Variants in BRINP3 observed in about 807,000 individuals in gnomAD.
BRINP3 encodes the protein BMP/retinoic acid-inducible neural-specific protein 3.
In BRINP3, 19 loss-of-function variants were observed where a neutral mutation model predicts 71.0. The ratio of observed to expected loss-of-function variants is 0.27; its 90% confidence interval spans 0.19 to 0.39. The LOEUF is 0.39. BRINP3 is among the 10% of genes least tolerant of loss of function. The probability of loss-of-function intolerance (pLI) is 1.00; values close to 1 mark genes in which losing one functional copy is unlikely to be tolerated. For synonymous variants in BRINP3, 380 were observed against 337.7 expected (o/e 1.13, Z -1.37); for missense variants, 959 against 940.8 (o/e 1.02, Z -0.25).
At chr1:190,224,927 T>C (rs1657207177) in intron 6 of BRINP3, among the ~76,000 whole-genome samples, 3 of 151,940 alleles carry the variant, frequency 2.0e-5, no homozygotes, top group Non-Finnish European at 4.4e-5. Flanking sequence ...ATCAGAGAAA[T>C]GCAAGTCAAA....
At chr1:190,388,934 C>A (rs955116145) in intron 2 of BRINP3, among the ~76,000 whole-genome samples, 1 of 151,662 alleles carries the variant, frequency 6.6e-6, no homozygotes, top group African/African-American at 2.4e-5. Flanking sequence ...TGAAATGAGG[C>A]ACTAGTCAGG....
rs199548567 is a variant in BRINP3 at position 190,264,959 on chromosome 1, T to A, written c.524A>T (p.Glu175Val). 1 of 1,613,012 alleles carries A rather than the reference T, an allele frequency of 6.2e-7. No individual in the cohort carries two copies. The highest frequency in any genetic ancestry group is 8.5e-7 in the Non-Finnish European group (1 of 1,179,602). ...STTNSSSVTL[E>V]TLHQLAASYF... is the part of the protein sequence containing the mutation. ...AGAAGCGGCTAGCTGATGTAGCGTC[T>A]CCAGAGTGACCGAAGAGCTATTGGT... Residue 175 changes from glutamate (E) to valine (V), a missense_variant, in exon 4 of 8, where the codon GAG becomes GTG. Coordinates refer to ENST00000367462, the MANE Select transcript of BRINP3 (RefSeq NM_199051.3).
chr1:190,160,590 A>T, intron 7 of BRINP3, 78 bp downstream of exon 7: 1 of 1,164,270 alleles, frequency 8.6e-7, no homozygotes, highest in Non-Finnish European at 1.2e-6. Context: ...ATATTAACAC[A>T]CCTGCATTCA....
chr1:190,170,872 A>AT (rs1465182331), intron 6 of BRINP3, among the ~76,000 whole-genome samples: 1 of 152,140 alleles, frequency 6.6e-6, no homozygotes, highest in Non-Finnish European at 1.5e-5. Context: ...AGTCTTAAGC[A>AT]TTTTTATAGG....
intron 2 of BRINP3, among the ~76,000 whole-genome samples, chr1:190,415,069 C>G (rs1223186680): frequency 6.6e-6 from 1 of 152,070 alleles, no homozygotes; most frequent in East Asian, 1.9e-4. Flanking sequence ...GAGAATTGGA[C>G]CTACATGTAA....
chr1:190,359,927 A>G (rs1182831456), intron 2 of BRINP3, among the ~76,000 whole-genome samples: 8 of 152,102 alleles, frequency 5.3e-5, no homozygotes, highest in Non-Finnish European at 1.0e-4. Flanking sequence ...TTCACCTCCT[A>G]ATATATGTGT....
chr1:190,338,046 C>T (rs542640506), intron 2 of BRINP3, among the ~76,000 whole-genome samples: 27 of 152,124 alleles, frequency 1.8e-4, no homozygotes, highest in East Asian at 1.2e-3. Context: ...ATTTAGTCTA[C>T]ATAATACATC....
chr1:190,386,800 C>A (rs748856003), intron 2 of BRINP3, among the ~76,000 whole-genome samples: 1 of 151,932 alleles, frequency 6.6e-6, no homozygotes, highest in African/African-American at 2.4e-5. Context: ...AATGACTATA[C>A]AAATAAAGGG....
intron 2 of BRINP3, among the ~76,000 whole-genome samples, chr1:190,383,277 C>T (rs552043252): frequency 6.6e-6 from 1 of 152,106 alleles, no homozygotes; most frequent in African/African-American, 2.4e-5. Flanking sequence ...ATTTATTATT[C>T]ATGGAAGTCA....
At chr1:190,268,215 A>G (rs905545256) in intron 3 of BRINP3, among the ~76,000 whole-genome samples, 2 of 152,192 alleles carry the variant, frequency 1.3e-5, no homozygotes, top group African/African-American at 2.4e-5. Flanking sequence ...ATGAATAATT[A>G]TAACTATTTA....
intron 2 of BRINP3, among the ~76,000 whole-genome samples, chr1:190,325,575 A>T (rs1192166105): frequency 1.3e-5 from 2 of 152,038 alleles, no homozygotes; most frequent in Non-Finnish European, 2.9e-5. Context: ...TGATGTGTGG[A>T]AAAGGAGCAC....
At chr1:190,247,763 C>T (rs182650659) in intron 4 of BRINP3, among the ~76,000 whole-genome samples, 6 of 151,948 alleles carry the variant, frequency 3.9e-5, no homozygotes, top group Admixed American at 2.6e-4. Flanking sequence ...CTTTCTGTGC[C>T]TGACAACCTG....
In BRINP3 at chr1:190,278,853, T is replaced by C. The variant is rs1015856498; in HGVS notation, c.427+2707A>G. Among the ~76,000 whole-genome samples the C allele has an allele frequency of 5.3e-5, 8 of 151,288 alleles. No homozygotes were observed. In the East Asian group the frequency reaches 1.4e-3, roughly 26 times the overall value. ...GAATAATCTTACAAATTTTGAAACATGGTGTATACAAAAAAAAAACATGCA... is the reference window on the plus strand; with the variant it reads ...GAATAATCTTACAAATTTTGAAACACGGTGTATACAAAAAAAAAACATGCA... On this transcript the variant is annotated intron_variant, in intron 3 of 7. Transcript: ENST00000367462.
chr1:190,174,159 T>C (rs1652277843), intron 6 of BRINP3, among the ~76,000 whole-genome samples: 1 of 152,172 alleles, frequency 6.6e-6, no homozygotes, highest in South Asian at 2.1e-4. Context: ...TTACTTCAGT[T>C]AAAATCCTCA....
chr1:190,316,766 T>C (rs1347464509), intron 2 of BRINP3, among the ~76,000 whole-genome samples: 1 of 152,126 alleles, frequency 6.6e-6, no homozygotes, highest in Non-Finnish European at 1.5e-5. Context: ...TTGTTGAGTT[T>C]ACATTAAACT....
intron 2 of BRINP3, among the ~76,000 whole-genome samples, chr1:190,394,582 AATATCAC>A (rs1324832147): frequency 6.6e-6 from 1 of 151,600 alleles, no homozygotes; most frequent in African/African-American, 2.4e-5. Context: ...AGACCCTTAA[AATATCAC>A]ATATCTATTA....
intron 4 of BRINP3, among the ~76,000 whole-genome samples, chr1:190,235,803 C>A (rs1216575553): frequency 6.6e-6 from 1 of 152,038 alleles, no homozygotes; most frequent in African/African-American, 2.4e-5. Flanking sequence ...ACTCTTCCAA[C>A]ATTTTTTTCT....
At chr1:190,456,530 G>C (rs1425186885) in intron 1 of BRINP3, among the ~76,000 whole-genome samples, 2 of 151,860 alleles carry the variant, frequency 1.3e-5, no homozygotes, top group Non-Finnish European at 2.9e-5. Flanking sequence ...ATTGTCAAAT[G>C]ATTCAACTCC....
intron 2 of BRINP3, among the ~76,000 whole-genome samples, chr1:190,330,521 C>T (rs1251431041): frequency 6.6e-6 from 1 of 152,024 alleles, no homozygotes; most frequent in East Asian, 1.9e-4. Context: ...AATACTTACA[C>T]ACTGTTGGTA....
Sources: allele counts gnomAD v4.1 joint callset (sites outside exome capture counted in the v4.1 genomes callset), GRCh38; gene constraint gnomAD v4.1.1; transcripts MANE v1.5; gene names NCBI Gene and HGNC (gene_info 2026-07-23, HGNC 2026-07-21).